FMNL2: variants seen among roughly 807,000 people sequenced by gnomAD.
The protein encoded by FMNL2 is formin like 2.
A neutral mutation model predicts 130.2 loss-of-function variants in FMNL2; 51 were observed. The observed-to-expected ratio is 0.39, with a 90% confidence interval of 0.31 to 0.49. The LOEUF (loss-of-function observed/expected upper bound fraction) is 0.49. Ranked by LOEUF, FMNL2 falls within the 20% of genes least tolerant of loss-of-function variation. The pLI is 0.85. For missense variants in FMNL2, 977 were observed against 1,316.2 expected (o/e 0.74, Z 3.99); for synonymous variants, 465 against 467.1 (o/e 1.00, Z 0.06).
intron 1 of FMNL2, among the ~76,000 whole-genome samples, chr2:152,448,770 A>AT (rs986884502): frequency 6.6e-6 from 1 of 152,188 alleles, no homozygotes; most frequent in African/African-American, 2.4e-5. Flanking sequence ...TAAGAAAAAC[A>AT]TTTTTTGCAA....
At chr2:152,499,589 G>A (rs1691697785) in intron 1 of FMNL2, among the ~76,000 whole-genome samples, 1 of 152,214 alleles carries the variant, frequency 6.6e-6, no homozygotes, top group Non-Finnish European at 1.5e-5. Context: ...CTTTGTGATA[G>A]GTCACTCAAG....
intron 1 of FMNL2, among the ~76,000 whole-genome samples, chr2:152,521,495 C>A (rs1353029883): frequency 6.6e-6 from 1 of 150,894 alleles, no homozygotes; most frequent in Non-Finnish European, 1.5e-5. Context: ...TTTTTTAATT[C>A]TTTTCCTCAT....
chr2:152,637,255 C>A (rs1168957131), intron 22 of FMNL2, among the ~76,000 whole-genome samples: 1 of 152,174 alleles, frequency 6.6e-6, no homozygotes, highest in East Asian at 1.9e-4. Context: ...TTGGAAACTC[C>A]TGTAAGAAAG....
intron 1 of FMNL2, among the ~76,000 whole-genome samples, chr2:152,371,973 A>T (rs770345893): frequency 6.6e-6 from 1 of 152,146 alleles, no homozygotes; most frequent in Non-Finnish European, 1.5e-5. Flanking sequence ...AACTACAAGA[A>T]ATAAATTCCC....
At chr2:152,560,090 G>A (rs2105593180) in intron 5 of FMNL2, among the ~76,000 whole-genome samples, 1 of 151,698 alleles carries the variant, frequency 6.6e-6, no homozygotes. Context: ...AGGATATTAA[G>A]TGTAGCTACC....
At chr2:152,592,132 C>T (rs936283843) in intron 9 of FMNL2, among the ~76,000 whole-genome samples, 4 of 152,068 alleles carry the variant, frequency 2.6e-5, no homozygotes, top group Admixed American at 6.6e-5. Flanking sequence ...TCATGATTTC[C>T]GTGCCACAGA....
chr2:152,478,087 A>G (rs990489121), intron 1 of FMNL2, among the ~76,000 whole-genome samples: 1 of 151,946 alleles, frequency 6.6e-6, no homozygotes, highest in Admixed American at 6.6e-5. Flanking sequence ...ACACAGAACC[A>G]CAGTATATAA....
intron 2 of FMNL2, among the ~76,000 whole-genome samples, chr2:152,538,489 A>G (rs1421509973): frequency 6.6e-6 from 1 of 152,184 alleles, no homozygotes; most frequent in East Asian, 1.9e-4. Flanking sequence ...CACGTTGGCC[A>G]GGCTGGTCTC....
chr2:152,616,643 T>C (rs1233954953), intron 12 of FMNL2, among the ~76,000 whole-genome samples: 1 of 152,200 alleles, frequency 6.6e-6, no homozygotes, highest in Non-Finnish European at 1.5e-5. Context: ...TTGCATAGTT[T>C]GGTCAAACCA....
intron 1 of FMNL2, among the ~76,000 whole-genome samples, chr2:152,369,043 T>G (rs1185402913): frequency 6.6e-6 from 1 of 152,236 alleles, no homozygotes. Context: ...GAGATGCTCC[T>G]TAGTTTTCTG....
intron 2 of FMNL2, among the ~76,000 whole-genome samples, chr2:152,538,082 G>A (rs1452161875): frequency 1.3e-5 from 2 of 152,142 alleles, no homozygotes; most frequent in African/African-American, 4.8e-5. Flanking sequence ...GAAACAAAAA[G>A]TACTGCCCCA....
intron 1 of FMNL2, among the ~76,000 whole-genome samples, chr2:152,494,929 A>G (rs1044863959): frequency 6.6e-6 from 1 of 152,192 alleles, no homozygotes; most frequent in Non-Finnish European, 1.5e-5. Flanking sequence ...AGGCCCTGTT[A>G]TGCAGAGGAC....
intron 1 of FMNL2, among the ~76,000 whole-genome samples, chr2:152,379,110 G>A (rs1684325935): frequency 6.6e-6 from 1 of 151,816 alleles, no homozygotes; most frequent in Admixed American, 6.6e-5. Context: ...CAGCAGAGAT[G>A]CTGAGCCCTG....
chr2:152,635,296 G>C (rs549023536), intron 21 of FMNL2, among the ~76,000 whole-genome samples: 1 of 152,252 alleles, frequency 6.6e-6, no homozygotes, highest in African/African-American at 2.4e-5. Context: ...CGGCCACTAA[G>C]CTCTTCATCT....
intron 1 of FMNL2, among the ~76,000 whole-genome samples, chr2:152,382,361 C>G (rs1348132145): frequency 6.6e-6 from 1 of 152,132 alleles, no homozygotes. Flanking sequence ...TTTGTTTCCT[C>G]TGGGTGTTCT....
chr2:152,389,165 G>A (rs1157804662), intron 1 of FMNL2, among the ~76,000 whole-genome samples: 1 of 152,002 alleles, frequency 6.6e-6, no homozygotes, highest in Non-Finnish European at 1.5e-5. Flanking sequence ...TTGGGCTGCT[G>A]TACAGTAACA....
At chr2:152,436,891 A>G (rs1436502362) in intron 1 of FMNL2, among the ~76,000 whole-genome samples, 1 of 152,172 alleles carries the variant, frequency 6.6e-6, no homozygotes, top group Non-Finnish European at 1.5e-5. Context: ...AAGAATCTAG[A>G]TTGGGCAATG....
rs954059779 is a variant in FMNL2, at chr2:152,636,467, G to A, written c.2721G>A (p.Gln907=). The A allele has an allele frequency of 3.1e-6, 5 of 1,612,192 alleles. No homozygotes were observed. The Admixed American group carries it at 8.4e-5, about 27-fold the overall frequency. The change falls in exon 22 of 26, where the codon CAG becomes CAA. Residue 907 remains glutamine, a synonymous_variant. Coordinates refer to ENST00000288670, the MANE Select transcript of FMNL2 (RefSeq NM_052905.4). ...ENVLLDVKEL[Q]RGMDLTKREY... ...TTTTGCTGGATGTCAAGGAGCTCCA[G>A]AGGGGAATGGACTTGACCAAGAGAG...
intron 1 of FMNL2, chr2:152,389,884 C>G (rs752394454): frequency 2.0e-6 from 2 of 1,021,534 alleles, no homozygotes; most frequent in East Asian, 2.5e-5. Flanking sequence ...ACAGAAGGCC[C>G]GGTGGGAGAA....
Sources: gnomAD v4.1 joint callset for allele counts (sites outside exome capture counted in the v4.1 genomes callset) on GRCh38, gnomAD v4.1.1 for gene constraint, MANE v1.5 for transcripts, NCBI Gene and HGNC (gene_info 2026-07-23, HGNC 2026-07-21) for gene names.